The following MAN1A1 variants were observed in gnomAD, a reference collection of about 807,000 sequenced individuals.
MAN1A1 encodes mannosyl-oligosaccharide 1,2-alpha-mannosidase IA.
Under a neutral mutation model 70.8 loss-of-function variants are expected in MAN1A1, and 29 were observed. The ratio of observed to expected loss-of-function variants is 0.41; its 90% CI spans 0.31 to 0.56. MAN1A1 has a LOEUF of 0.56. MAN1A1 is among the 20% of genes least tolerant of loss of function. The pLI is 0.29. For missense variants in MAN1A1, 747 were observed against 841.3 expected, an observed-to-expected ratio of 0.89 and a Z score of 1.39; for synonymous variants, 349 against 330.1, an observed-to-expected ratio of 1.06 and a Z score of -0.62.
chr6:119,199,245 A>G (rs1773652249), intron 8 of MAN1A1, among the ~76,000 whole-genome samples: 1 of 152,240 alleles, frequency 6.6e-6, no homozygotes, highest in Admixed American at 6.5e-5. Flanking sequence ...GATTATAATC[A>G]TTGGCACAAA....
intron 5 of MAN1A1, among the ~76,000 whole-genome samples, chr6:119,273,111 A>T (rs1419867239): frequency 6.6e-6 from 1 of 152,192 alleles, no homozygotes; most frequent in Non-Finnish European, 1.5e-5. Flanking sequence ...AAATCTTTAG[A>T]GGTTGGAAAA....
chr6:119,259,480 C>T (rs1431095451), intron 5 of MAN1A1, among the ~76,000 whole-genome samples: 1 of 152,148 alleles, frequency 6.6e-6, no homozygotes, highest in Admixed American at 6.5e-5. Flanking sequence ...ATGTAAGCTA[C>T]TCATTTTTTC....
intron 5 of MAN1A1, among the ~76,000 whole-genome samples, chr6:119,255,039 T>G (rs1775423241): frequency 6.6e-6 from 1 of 152,220 alleles, no homozygotes; most frequent in African/African-American, 2.4e-5. Context: ...CTTTTTACTT[T>G]ACCCTGACAG....
Position 119,336,274 on chromosome 6 carries a change from T to A in MAN1A1, c.603+12189A>T, listed in dbSNP as rs559634777. 2.4e-4 allele frequency among the ~76,000 whole-genome samples: 36 copies of A among 152,304 alleles called. 1 individual carries two copies. The South Asian group carries it at 7.3e-3, about 31-fold the overall frequency. On this transcript the variant is annotated intron_variant, in intron 2 of 12. Coordinates refer to ENST00000368468, the MANE Select transcript of MAN1A1 (RefSeq NM_005907.4). ...TCGTAGAGACAGGGTTTTACCACGTTGGCCAGGCTGGTCTTGAATTCCTGG... is the reference window on the plus strand; with the variant it reads ...TCGTAGAGACAGGGTTTTACCACGTAGGCCAGGCTGGTCTTGAATTCCTGG...
chr6:119,292,837 T>A lies in MAN1A1; in HGVS notation c.817-2074A>T, dbSNP rs868631005. 6.1e-4 allele frequency among the ~76,000 whole-genome samples: 93 copies of A among 152,202 alleles called. 1 individual carries two copies. The highest frequency in any genetic ancestry group is 2.1e-3 in the South Asian group (10 of 4,830). On this transcript the variant is annotated intron_variant, in intron 4 of 12. Transcript: ENST00000368468. ...TAACTTTGAGGTCTATCACTCTGAA[T>A]GAATTTTACATAAATATTGGCAAAG...
At chr6:119,317,528 G>A (rs1277461969) in intron 2 of MAN1A1, among the ~76,000 whole-genome samples, 1 of 152,074 alleles carries the variant, frequency 6.6e-6, no homozygotes, top group South Asian at 2.1e-4. Context: ...ATGCATTTAA[G>A]GTACCTCCAT....
chr6:119,189,709 C>T lies in MAN1A1; in HGVS notation c.1501G>A (p.Gly501Arg). The change falls in exon 10 of 13, where the codon GGG becomes AGG. Residue 501 changes from glycine to arginine, a missense_variant. Physicochemically the swap from Gly to Arg is moderately radical, Grantham distance 125 (BLOSUM62 -2). This residue lies in a region of MAN1A1 where 419 missense variants were observed against 548.2 expected (regional missense o/e 0.76). Coordinates refer to ENST00000368468, the MANE Select transcript of MAN1A1 (RefSeq NM_005907.4). Reference sequence around the variant, plus strand: ...TGACAAGTACGGGCAATTTCAGCCCCGAGTTCAAGGTAGTGTTGGGCCATG... The same window carrying T: ...TGACAAGTACGGGCAATTTCAGCCCTGAGTTCAAGGTAGTGTTGGGCCATG... ...EGMAQHYLEL[G>R]AEIARTCHES... 5 of 1,613,992 alleles carry T rather than the reference C, an allele frequency of 3.1e-6. No homozygotes were observed. The highest frequency in any genetic ancestry group is 1.6e-4 in the Middle Eastern group (1 of 6,062).
chr6:119,341,735 T>C (rs1201502887), intron 2 of MAN1A1, among the ~76,000 whole-genome samples: 2 of 152,204 alleles, frequency 1.3e-5, no homozygotes, highest in East Asian at 3.8e-4. Context: ...TCTCACTTCT[T>C]AAAAACATTC....
chr6:119,224,381 A>G (rs974635487), intron 6 of MAN1A1, among the ~76,000 whole-genome samples: 1 of 152,204 alleles, frequency 6.6e-6, no homozygotes, highest in African/African-American at 2.4e-5. Context: ...AAATTTGCCA[A>G]AATCCTTGAC....
chr6:119,241,152 T>TAA (rs1011894788), intron 6 of MAN1A1, among the ~76,000 whole-genome samples: 2 of 151,448 alleles, frequency 1.3e-5, no homozygotes, highest in Admixed American at 1.3e-4. Context: ...CTCACTGGAT[T>TAA]AAAAAAAAAG....
At chr6:119,194,823 T>C (rs542123889) in intron 8 of MAN1A1, among the ~76,000 whole-genome samples, 1 of 133,350 alleles carries the variant, frequency 7.5e-6, no homozygotes, top group African/African-American at 2.6e-5. Flanking sequence ...GTAGGATAGG[T>C]ATCTTCATTT....
chr6:119,285,976 G>C (rs1008510355), intron 5 of MAN1A1, among the ~76,000 whole-genome samples: 2 of 152,188 alleles, frequency 1.3e-5, no homozygotes, highest in Non-Finnish European at 2.9e-5. Flanking sequence ...GAAACCGGAA[G>C]ATACATTTCC....
chr6:119,305,115 G>A (rs1772492654), intron 3 of MAN1A1, among the ~76,000 whole-genome samples: 1 of 152,038 alleles, frequency 6.6e-6, no homozygotes, highest in South Asian at 2.1e-4. Flanking sequence ...AATACCTGAA[G>A]CTCTTTTTCT....
intron 2 of MAN1A1, among the ~76,000 whole-genome samples, chr6:119,329,265 T>G (rs749459174): frequency 6.6e-6 from 1 of 152,146 alleles, no homozygotes; most frequent in African/African-American, 2.4e-5. Context: ...TAAACTTGAG[T>G]ACTGATTCAT....
chr6:119,211,771 T>C (rs1774057423), intron 6 of MAN1A1, among the ~76,000 whole-genome samples: 1 of 152,158 alleles, frequency 6.6e-6, no homozygotes, highest in African/African-American at 2.4e-5. Flanking sequence ...TTGTCTTTTA[T>C]TCTGAATCTC....
intron 6 of MAN1A1, among the ~76,000 whole-genome samples, chr6:119,209,859 T>C (rs1034545006): frequency 6.6e-6 from 1 of 152,176 alleles, no homozygotes; most frequent in Non-Finnish European, 1.5e-5. Flanking sequence ...TATTTCCCAA[T>C]GACTATCTCT....
chr6:119,295,514 T>C (rs1772184820), intron 4 of MAN1A1, among the ~76,000 whole-genome samples: 1 of 152,158 alleles, frequency 6.6e-6, no homozygotes, highest in African/African-American at 2.4e-5. Context: ...ACACTTATAT[T>C]AGAATTCTCC....
intron 5 of MAN1A1, among the ~76,000 whole-genome samples, chr6:119,261,023 G>T (rs1233786009): frequency 8.3e-6 from 1 of 121,144 alleles, no homozygotes; most frequent in African/African-American, 3.3e-5. Context: ...CTGTTGCCCA[G>T]GCTGGAGTGC....
intron 6 of MAN1A1, among the ~76,000 whole-genome samples, chr6:119,217,430 C>A (rs1031721048): frequency 2.0e-5 from 3 of 152,122 alleles, no homozygotes; most frequent in Non-Finnish European, 4.4e-5. Context: ...TACAGGCATG[C>A]ACCACCACGC....
Sources: allele counts gnomAD v4.1 joint callset (sites outside exome capture counted in the v4.1 genomes callset), GRCh38; gene constraint gnomAD v4.1.1; regional missense constraint gnomAD v4.1.1; transcripts MANE v1.5; gene names NCBI Gene and HGNC (gene_info 2026-07-23, HGNC 2026-07-21).